DGKH: variants seen among roughly 807,000 people sequenced by gnomAD.
DGKH encodes DAG kinase eta.
Under a neutral mutation model 159.3 loss-of-function variants are expected in DGKH, and 90 were observed. That is an observed-to-expected ratio of 0.57 (90% CI 0.48 to 0.67). The LOEUF is 0.67. DGKH is among the 30% of genes least tolerant of loss of function. The probability of loss-of-function intolerance (pLI) is 0.00; values close to 1 mark genes in which losing one functional copy is unlikely to be tolerated. For synonymous variants in DGKH, 536 were observed against 553.8 expected (o/e 0.97, Z 0.45); for missense variants, 1,181 against 1,506.1 (o/e 0.78, Z 3.57).
intron 3 of DGKH, chr13:42,140,292 G>T (rs1283861704): frequency 6.6e-6 from 1 of 152,364 alleles, no homozygotes; most frequent in East Asian, 1.9e-4. Context: ...CCTTCCCAGT[G>T]TGTGTGCCAT....
Position 42,151,602 on chromosome 13 carries a change from CA to C in DGKH, c.385-3688del, listed in dbSNP as rs1256898186. Among the ~76,000 whole-genome samples, 8 of 131,026 alleles carry C rather than the reference CA, an allele frequency of 6.1e-5. No individual in the cohort carries two copies. In the South Asian group the frequency reaches 1.0e-3, roughly 17 times the overall value. 86.0% of individuals were successfully genotyped at this position (131,026 alleles called of 152,430 possible). A position where few individuals can be genotyped will look rare whatever the true frequency, so the allele number is the denominator to read the frequency against. ...ATACACACACACACACACACACACA[CA>C]CACACACACACCCCATGGAAAACTA... On this transcript the variant is annotated intron_variant, in intron 3 of 29. Coordinates refer to ENST00000337343, the MANE Select transcript of DGKH (RefSeq NM_178009.5).
chr13:42,213,355 G>A (rs1056188706), intron 24 of DGKH, among the ~76,000 whole-genome samples: 9 of 152,162 alleles, frequency 5.9e-5, no homozygotes, highest in South Asian at 2.1e-4. Flanking sequence ...TTCAGGAAGA[G>A]GAGTAGGTAT....
intron 3 of DGKH, among the ~76,000 whole-genome samples, chr13:42,134,685 C>T (rs1229084393): frequency 6.6e-6 from 1 of 152,104 alleles, no homozygotes; most frequent in African/African-American, 2.4e-5. Context: ...GCCTGGCCAA[C>T]ATGGTGAAAC....
chr13:42,178,831 T>C (rs1594153204), intron 13 of DGKH, among the ~76,000 whole-genome samples: 1 of 152,140 alleles, frequency 6.6e-6, no homozygotes, highest in Non-Finnish European at 1.5e-5. Context: ...GAAGAAGGGG[T>C]GACACCAACT....
chr13:42,125,184 T>G (rs886590589), intron 1 of DGKH, among the ~76,000 whole-genome samples: 1 of 152,242 alleles, frequency 6.6e-6, no homozygotes, highest in African/African-American at 2.4e-5. Flanking sequence ...TTGTCTCCTA[T>G]AACCTCCTCT....
chr13:42,209,466 GTA>G lies in DGKH; in HGVS notation c.2850+3_2850+4del. ...AGCACAAATGCTAACAAGGGACAGA[GTA>G]TGTAACAAAAACATTCTTCTAGAAT... On this transcript the variant is annotated splice_donor_variant and splice_donor_region_variant and intron_variant, in intron 23 of 29. Transcript: ENST00000337343. LOFTEE classifies it high-confidence loss of function. 6.3e-7 allele frequency: 1 copy of G among 1,588,058 alleles called. No individual in the cohort carries two copies. The highest frequency in any genetic ancestry group is 8.5e-7 in the Non-Finnish European group (1 of 1,171,174).
In DGKH at chr13:42,237,335, T is replaced by C. The variant is rs548085030; in HGVS notation, c.*8147T>C. On this transcript the variant is annotated 3_prime_UTR_variant, in exon 30 of 30. Coordinates refer to ENST00000337343, the MANE Select transcript of DGKH (RefSeq NM_178009.5). ...TAGGAGACTAATAATTAATTTACTA[T>C]AATTTTAAAGGCAAAGAGTTTTATA... 2 of 152,322 alleles carry C rather than the reference T, an allele frequency of 1.3e-5. No homozygotes were observed. Among genetic ancestry groups the C allele is most frequent in the Admixed American group, 1.3e-4 (2 of 15,302 alleles). The allele number at this position is 152,322 out of a possible 1,614,324, so 9.4% of individuals were successfully genotyped here.
chr13:42,159,343 G>A lies in DGKH; in HGVS notation c.700G>A (p.Gly234Arg), dbSNP rs772080918. The A allele has an allele frequency of 5.6e-6, 9 of 1,593,926 alleles. No individual in the cohort carries two copies. In the East Asian group the frequency reaches 1.4e-4, roughly 24 times the overall value. ...TAAATGGACTACCCTGGCCTCCATCGGGAAGGACATTATAGAAGATGAAGA... is the reference window on the plus strand; with the variant it reads ...TAAATGGACTACCCTGGCCTCCATCAGGAAGGACATTATAGAAGATGAAGA... ...NCKWTTLASIGKDIIEDEDGV... is the reference protein window; with the variant it reads ...NCKWTTLASIRKDIIEDEDGV... Residue 234 changes from glycine (G) to arginine (R), a missense_variant, in exon 6 of 30, where the codon GGG (glycine) becomes AGG (arginine). Gly to Arg is a moderately radical substitution (Grantham distance 125). Coordinates refer to ENST00000337343, the MANE Select transcript of DGKH (RefSeq NM_178009.5).
At chr13:42,045,630 C>T (rs958350007), upstream of DGKH, among the ~76,000 whole-genome samples, 6 of 152,126 alleles carry the variant, frequency 3.9e-5, no homozygotes. Context: ...TAGCAAATAG[C>T]GTGTTCTTAA....
At chr13:42,149,070 C>T (rs1234712688) in intron 3 of DGKH, among the ~76,000 whole-genome samples, 1 of 151,504 alleles carries the variant, frequency 6.6e-6, no homozygotes, top group South Asian at 2.1e-4. Flanking sequence ...CCGGCTTTCC[C>T]AGGCATATGC....
At chr13:42,073,102 G>GT (rs1319798289) in intron 1 of DGKH, among the ~76,000 whole-genome samples, 1 of 152,202 alleles carries the variant, frequency 6.6e-6, no homozygotes, top group African/African-American at 2.4e-5. Flanking sequence ...AATGGTTCTA[G>GT]TTTTGAGAAA....
intron 1 of DGKH, among the ~76,000 whole-genome samples, chr13:42,040,421 C>A (rs972881034): frequency 1.3e-5 from 2 of 151,690 alleles, no homozygotes; most frequent in Non-Finnish European, 2.9e-5. Context: ...GACCACCCGG[C>A]GGCCGCTTTC....
intron 13 of DGKH, among the ~76,000 whole-genome samples, chr13:42,182,812 C>G (rs1334753563): frequency 6.6e-6 from 1 of 151,846 alleles, no homozygotes; most frequent in African/African-American, 2.4e-5. Context: ...AATAATAATT[C>G]TCTAACACTA....
rs530240467 is a variant in DGKH, at chr13:42,235,305, A to G, written c.*6117A>G. ...TAGTTGGAAAAATGAAAACCAAGCT[A>G]CTACTTAAAAGTTATTAAAAACTTC... On this transcript the variant is annotated 3_prime_UTR_variant, in exon 30 of 30. Transcript: ENST00000337343. The G allele has an allele frequency of 1.2e-4, 19 of 152,300 alleles. No individual in the cohort carries two copies. In the East Asian group the frequency reaches 3.7e-3, roughly 29 times the overall value. The allele number at this position is 152,300 out of a possible 1,614,324, so 9.4% of individuals were successfully genotyped here.
At chr13:42,058,927 G>A (rs1881945800) in intron 1 of DGKH, among the ~76,000 whole-genome samples, 1 of 152,184 alleles carries the variant, frequency 6.6e-6, no homozygotes, top group Admixed American at 6.5e-5. Context: ...ATTTTGACAT[G>A]AGGGGGAAAT....
Position 42,236,535 on chromosome 13 carries a change from A to T in DGKH, c.*7347A>T, listed in dbSNP as rs1958416059. On this transcript the variant is annotated 3_prime_UTR_variant, in exon 30 of 30. Transcript: ENST00000337343. ...TTTTGCCAATATGTATTTTATCTTC[A>T]TGTCACAACTTATTTTCTGTAGCCA... 6.6e-6 allele frequency: 1 copy of T among 152,178 alleles called. No homozygotes were observed. Among genetic ancestry groups the T allele is most frequent in the South Asian group, 2.1e-4 (1 of 4,832 alleles). The allele number at this position is 152,178 out of a possible 1,614,324, so 9.4% of individuals were successfully genotyped here. A position where few individuals can be genotyped will look rare whatever the true frequency, so the allele number is the denominator to read the frequency against.
At chr13:42,166,801 A>T in intron 9 of DGKH, 127 bp downstream of exon 9, 2 of 796,164 alleles carry the variant, frequency 2.5e-6, no homozygotes, top group Non-Finnish European at 1.7e-6. Flanking sequence ...AGCTCTAATT[A>T]TAAGTTTTAA....
intron 3 of DGKH, chr13:42,140,879 T>A (rs547577883): frequency 6.6e-6 from 1 of 152,046 alleles, no homozygotes; most frequent in East Asian, 1.9e-4. Context: ...TACGGGAAAA[T>A]AAGCTACTGG....
At chr13:42,055,681 TACTC>T (rs562598014) in intron 1 of DGKH, among the ~76,000 whole-genome samples, 146 of 152,350 alleles carry the variant, frequency 9.6e-4, no homozygotes, top group African/African-American at 3.2e-3. Context: ...AGGCTTTACT[TACTC>T]AGGAAATGTG....
Sources: gnomAD v4.1 joint callset for allele counts (sites outside exome capture counted in the v4.1 genomes callset) on GRCh38, gnomAD v4.1.1 for gene constraint, MANE v1.5 for transcripts, NCBI Gene and HGNC (gene_info 2026-07-23, HGNC 2026-07-21) for gene names.